The following EHF variants were observed in gnomAD, a reference collection of about 807,000 sequenced individuals.
EHF encodes ESE3 transcription factor.
In EHF, 14 loss-of-function variants were observed where a neutral mutation model predicts 45.1. That is an observed-to-expected ratio of 0.31 (90% CI 0.21 to 0.49). The LOEUF is 0.49. Among genes scored for constraint, EHF ranks in the 20% least tolerant of loss-of-function variants. The pLI is 0.99. For missense variants in EHF, 282 were observed against 371.4 expected (o/e 0.76, Z 1.98); for synonymous variants, 136 against 131.8 (o/e 1.03, Z -0.22).
intron 1 of EHF, among the ~76,000 whole-genome samples, chr11:34,633,610 G>C (rs1853110896): frequency 6.6e-6 from 1 of 152,108 alleles, no homozygotes; most frequent in Admixed American, 6.5e-5. Context: ...ACAGTGATAG[G>C]TTGTCCACAG....
chr11:34,663,162 G>T lies in EHF; in HGVS notation c.*4231G>T, dbSNP rs1247252752. Among the ~76,000 whole-genome samples the T allele has an allele frequency of 6.6e-6, 1 of 151,954 alleles. No individual in the cohort carries two copies. Among genetic ancestry groups the T allele is most frequent in the African/African-American group, 2.4e-5 (1 of 41,370 alleles). On this transcript the variant is annotated 3_prime_UTR_variant, in exon 9 of 9. Transcript: ENST00000257831. ...AAAAATCAGAAATCTTTCCCTTTAA[G>T]CTATGTTAAATTCAAACTATTCCTG... is the stretch of plus-strand genomic sequence containing the variant.
At chr11:34,657,213 T>G (rs747604796) in intron 7 of EHF, among the ~76,000 whole-genome samples, 43 of 152,122 alleles carry the variant, frequency 2.8e-4, no homozygotes, top group Non-Finnish European at 4.8e-4. Flanking sequence ...GCTCTAAAAC[T>G]GAGACACCCA....
intron 4 of EHF, among the ~76,000 whole-genome samples, chr11:34,649,652 A>G (rs1854947233): frequency 6.6e-6 from 1 of 152,220 alleles, no homozygotes; most frequent in Non-Finnish European, 1.5e-5. Context: ...CAGAGTCTAC[A>G]GTCCCATAGC....
chr11:34,645,113 A>C (rs1333563076), intron 2 of EHF, among the ~76,000 whole-genome samples: 1 of 152,032 alleles, frequency 6.6e-6, no homozygotes, highest in African/African-American at 2.4e-5. Flanking sequence ...GTTCCTTCCC[A>C]ACATCTATTT....
At chr11:34,640,193 G>C (rs1012189385) in intron 1 of EHF, among the ~76,000 whole-genome samples, 1 of 152,048 alleles carries the variant, frequency 6.6e-6, no homozygotes, top group Non-Finnish European at 1.5e-5. Flanking sequence ...CAGTAAGCAG[G>C]GGAACTGGAA....
chr11:34,625,330 G>T (rs1852278356), intron 1 of EHF, among the ~76,000 whole-genome samples: 1 of 152,134 alleles, frequency 6.6e-6, no homozygotes, highest in South Asian at 2.1e-4. Context: ...GTTTTGTGAT[G>T]GCAGGGAACA....
chr11:34,637,977 C>T (rs1367821471), intron 1 of EHF, among the ~76,000 whole-genome samples: 1 of 151,584 alleles, frequency 6.6e-6, no homozygotes, highest in African/African-American at 2.4e-5. Context: ...GCTCGGCTCG[C>T]TGCAACCTCT....
intron 1 of EHF, among the ~76,000 whole-genome samples, chr11:34,640,722 G>A (rs1455753797): frequency 6.6e-6 from 1 of 152,154 alleles, no homozygotes; most frequent in Non-Finnish European, 1.5e-5. Flanking sequence ...TTCTCTGAGG[G>A]TGAGAATCAA....
In EHF at chr11:34,642,694, C is replaced by A; in HGVS notation, c.64C>A (p.Pro22Thr). 1 of 1,614,060 alleles carries A rather than the reference C, an allele frequency of 6.2e-7. No individual in the cohort carries two copies. The highest frequency in any genetic ancestry group is 8.5e-7 in the Non-Finnish European group (1 of 1,179,946). The change falls in exon 2 of 9, where the codon CCA becomes ACA. Residue 22 changes from proline to threonine, a missense_variant. Pro to Thr is a conservative substitution (Grantham distance 38). Around this residue, in one of 3 missense-constraint regions of EHF, gnomAD observed 213 missense variants for 247.3 expected, o/e 0.86. Coordinates refer to ENST00000257831, the MANE Select transcript of EHF (RefSeq NM_012153.6). ...NPGNNLLHQP[P>T]AWTDSYSTCN... ...CGGCAACAACCTCCTTCACCAGCCG[C>A]CAGCCTGGACAGACAGCTACTCCAC...
In EHF at chr11:34,644,505, T is replaced by G. The variant is rs1484314410; in HGVS notation, c.97+1778T>G. Among the ~76,000 whole-genome samples the G allele has an allele frequency of 5.3e-5, 8 of 152,372 alleles. No individual in the cohort carries two copies. In the East Asian group the frequency reaches 9.6e-4, roughly 18 times the overall value. On this transcript the variant is annotated intron_variant, in intron 2 of 8. Transcript: ENST00000257831. ...GCCCACGTTGTGGGCCAGGGGCTGC[T>G]TTTGTTTCGCCATGAGGTACGAGGA...
chr11:34,632,688 G>T, intron 1 of EHF: 1 of 1,532,136 alleles, frequency 6.5e-7, no homozygotes, highest in African/African-American at 1.4e-5. Flanking sequence ...GGGTTGCCCG[G>T]CTCTCTCTGC....
intron 1 of EHF, among the ~76,000 whole-genome samples, chr11:34,641,443 T>C (rs1429564143): frequency 1.3e-5 from 2 of 152,080 alleles, no homozygotes; most frequent in African/African-American, 2.4e-5. Flanking sequence ...AGAGGAGCCG[T>C]AGCTAAATTA....
chr11:34,622,899 T>C (rs1315757831), intron 1 of EHF, among the ~76,000 whole-genome samples: 1 of 152,202 alleles, frequency 6.6e-6, no homozygotes, highest in Non-Finnish European at 1.5e-5. Context: ...AAAGTCACTT[T>C]GAGGGAACAG....
chr11:34,628,289 A>G (rs1195177390), intron 1 of EHF, among the ~76,000 whole-genome samples: 1 of 152,188 alleles, frequency 6.6e-6, no homozygotes, highest in Admixed American at 6.5e-5. Context: ...GCACCAACAT[A>G]ATATGATATC....
intron 1 of EHF, among the ~76,000 whole-genome samples, chr11:34,630,679 C>CTTGT (rs2134004812): frequency 5.1e-5 from 1 of 19,770 alleles, no homozygotes; most frequent in African/African-American, 1.2e-4. Flanking sequence ...CACAGTTGGT[C>CTTGT]TTATTTATCA....
At chr11:34,648,408 G>T (rs1854797314) in intron 3 of EHF, among the ~76,000 whole-genome samples, 1 of 151,894 alleles carries the variant, frequency 6.6e-6, no homozygotes, top group African/African-American at 2.4e-5. Context: ...TGGGAGAGGA[G>T]TTGCAAGCAA....
chr11:34,630,051 G>A (rs1009746294), intron 1 of EHF, among the ~76,000 whole-genome samples: 1 of 152,100 alleles, frequency 6.6e-6, no homozygotes, highest in Non-Finnish European at 1.5e-5. Context: ...GCACTGAAAG[G>A]GAGCTTCCAT....
In EHF at chr11:34,651,814, T is replaced by C. The variant is rs376772200; in HGVS notation, c.544+9T>C. Reference sequence around the variant, plus strand: ...CAGTCACCTTCCTGTTGGTAAGCTGTCATCACATCTGAGGCTGGGTATGCC... The same window carrying C: ...CAGTCACCTTCCTGTTGGTAAGCTGCCATCACATCTGAGGCTGGGTATGCC... On this transcript the variant is annotated intron_variant, in intron 6 of 8. Coordinates refer to ENST00000257831, the MANE Select transcript of EHF (RefSeq NM_012153.6). 30 of 1,612,984 alleles carry C rather than the reference T, an allele frequency of 1.9e-5. No individual in the cohort carries two copies. The African/African-American group carries it at 3.6e-4, about 19-fold the overall frequency.
intron 1 of EHF, among the ~76,000 whole-genome samples, chr11:34,637,899 C>CTT (rs11415150): frequency 1.1e-3 from 163 of 145,846 alleles, no homozygotes; most frequent in Non-Finnish European, 1.2e-3. Context: ...CATTTCACTC[C>CTT]TTTTTTTTTT....
Sources: gnomAD v4.1 joint callset for allele counts (sites outside exome capture counted in the v4.1 genomes callset) on GRCh38, gnomAD v4.1.1 for gene constraint, gnomAD v4.1.1 regional missense constraint, MANE v1.5 for transcripts, NCBI Gene and HGNC (gene_info 2026-07-23, HGNC 2026-07-21) for gene names.